Variants in KCNAB1 observed in about 807,000 individuals in gnomAD.
KCNAB1 encodes voltage-gated potassium channel subunit beta-1.
Under a neutral mutation model 64.6 loss-of-function variants are expected in KCNAB1, and 35 were observed. That is an observed-to-expected ratio of 0.54 (90% CI 0.41 to 0.72). The LOEUF (loss-of-function observed/expected upper bound fraction) is 0.72. Among genes scored for constraint, KCNAB1 ranks in the 30% least tolerant of loss-of-function variants. The pLI, the probability that KCNAB1 is intolerant of heterozygous loss-of-function variation, is 0.00. For missense variants in KCNAB1, 401 were observed against 512.9 expected, an observed-to-expected ratio of 0.78 and a Z score of 2.11; for synonymous variants, 177 against 183.8, an observed-to-expected ratio of 0.96 and a Z score of 0.30.
intron 2 of KCNAB1, among the ~76,000 whole-genome samples, chr3:156,447,593 C>G (rs1019368349): frequency 1.3e-5 from 2 of 152,092 alleles, no homozygotes; most frequent in East Asian, 3.9e-4. Context: ...AATTTTATAA[C>G]CTTAAGATGA....
intron 1 of KCNAB1, among the ~76,000 whole-genome samples, chr3:156,326,472 G>T (rs539408434): frequency 4.6e-5 from 7 of 152,090 alleles, no homozygotes; most frequent in Non-Finnish European, 1.0e-4. Flanking sequence ...GAGTAGTAAT[G>T]GCAAGGAATG....
At chr3:156,125,096 C>G (rs768075778) in intron 1 of KCNAB1, among the ~76,000 whole-genome samples, 2 of 151,822 alleles carry the variant, frequency 1.3e-5, no homozygotes, top group African/African-American at 2.4e-5. Flanking sequence ...CGAGATTACT[C>G]CACTGCACTC....
intron 1 of KCNAB1, among the ~76,000 whole-genome samples, chr3:156,137,860 T>C (rs1044109994): frequency 3.9e-5 from 6 of 151,922 alleles, no homozygotes; most frequent in Non-Finnish European, 7.4e-5. Flanking sequence ...CCGGCCTGGA[T>C]TGCAAACTTG....
intron 1 of KCNAB1, among the ~76,000 whole-genome samples, chr3:156,369,293 G>A (rs1446051089): frequency 1.3e-5 from 2 of 152,006 alleles, no homozygotes; most frequent in African/African-American, 4.8e-5. Flanking sequence ...TTTTCATTCC[G>A]GTATGATATT....
At chr3:156,458,925 G>A (rs12053933) in intron 4 of KCNAB1, among the ~76,000 whole-genome samples, 1 of 152,192 alleles carries the variant, frequency 6.6e-6, no homozygotes, top group African/African-American at 2.4e-5. Context: ...CAACACCAAT[G>A]TAAGACTCAA....
chr3:156,317,649 C>CA (rs1393715540), intron 1 of KCNAB1, among the ~76,000 whole-genome samples: 3 of 151,936 alleles, frequency 2.0e-5, no homozygotes, highest in Non-Finnish European at 4.4e-5. Flanking sequence ...AGAGAAGAAA[C>CA]AAAGAGCAAA....
At chr3:156,371,646 AG>A in intron 1 of KCNAB1, among the ~76,000 whole-genome samples, 1 of 152,344 alleles carries the variant, frequency 6.6e-6, no homozygotes, top group South Asian at 2.1e-4. Flanking sequence ...CATGTGAAAA[AG>A]AAACCAGAGG....
intron 11 of KCNAB1, among the ~76,000 whole-genome samples, chr3:156,522,750 T>C (rs942260036): frequency 2.0e-5 from 3 of 152,232 alleles, no homozygotes; most frequent in East Asian, 3.8e-4. Flanking sequence ...ATTGAAATCA[T>C]GTGGGTGCAG....
At chr3:156,205,253 G>A (rs770602643) in intron 1 of KCNAB1, among the ~76,000 whole-genome samples, 3 of 152,056 alleles carry the variant, frequency 2.0e-5, no homozygotes, top group Admixed American at 2.0e-4. Context: ...CAGTTATTCA[G>A]ATAATGAAAA....
chr3:156,497,270 CT>C (rs1251858034), intron 8 of KCNAB1, among the ~76,000 whole-genome samples: 2 of 152,180 alleles, frequency 1.3e-5, no homozygotes, highest in Non-Finnish European at 2.9e-5. Context: ...AAAGCATCTC[CT>C]TCCAGACATG....
intron 1 of KCNAB1, among the ~76,000 whole-genome samples, chr3:156,351,859 C>T (rs1724882866): frequency 6.6e-6 from 1 of 152,234 alleles, no homozygotes; most frequent in Non-Finnish European, 1.5e-5. Flanking sequence ...GAGAGTCACA[C>T]AGAGCCAAGG....
chr3:156,128,998 C>G (rs917163034), intron 1 of KCNAB1, among the ~76,000 whole-genome samples: 2 of 151,792 alleles, frequency 1.3e-5, no homozygotes. Context: ...TCATCTCCTT[C>G]ATAATTATCA....
At chr3:156,392,121 C>A (rs1024701899) in intron 1 of KCNAB1, among the ~76,000 whole-genome samples, 1 of 152,180 alleles carries the variant, frequency 6.6e-6, no homozygotes, top group Admixed American at 6.5e-5. Context: ...CATTCTCCTA[C>A]CCCTACTCCT....
intron 2 of KCNAB1, among the ~76,000 whole-genome samples, chr3:156,425,713 G>T (rs568776590): frequency 6.6e-6 from 1 of 152,284 alleles, no homozygotes; most frequent in African/African-American, 2.4e-5. Context: ...AAGATACGAG[G>T]ACAAGAGCAT....
In KCNAB1 at chr3:156,523,985, T is replaced by G. The variant is rs376268968; in HGVS notation, c.1081+38T>G. On this transcript the variant is annotated intron_variant, in intron 12 of 13. Coordinates refer to ENST00000490337, the MANE Select transcript of KCNAB1 (RefSeq NM_172160.3). ...CTAAGCTATGGGGTGGTAGAGGGAC[T>G]TCTGCTGAGATCATAGTTTTCTATT... 2.5e-6 allele frequency: 4 copies of G among 1,594,678 alleles called. No individual in the cohort carries two copies. The African/African-American group carries it at 4.0e-5, about 16-fold the overall frequency.
At chr3:156,389,839 C>T (rs1186873031) in intron 1 of KCNAB1, among the ~76,000 whole-genome samples, 1 of 152,204 alleles carries the variant, frequency 6.6e-6, no homozygotes, top group African/African-American at 2.4e-5. Context: ...CAAATACAGT[C>T]TACCACTTGT....
intron 1 of KCNAB1, among the ~76,000 whole-genome samples, chr3:156,177,574 T>A (rs1712479337): frequency 6.6e-6 from 1 of 152,026 alleles, no homozygotes. Flanking sequence ...AGACGGGGTT[T>A]CACCGTGTTA....
At chr3:156,333,026 C>T (rs931956060) in intron 1 of KCNAB1, among the ~76,000 whole-genome samples, 7 of 152,070 alleles carry the variant, frequency 4.6e-5, no homozygotes, top group African/African-American at 1.7e-4. Context: ...TGAAGCTGGC[C>T]TGAGATAAAA....
chr3:156,368,345 C>T (rs1431153445), intron 1 of KCNAB1, among the ~76,000 whole-genome samples: 4 of 152,082 alleles, frequency 2.6e-5, no homozygotes, highest in African/African-American at 4.8e-5. Flanking sequence ...GCATAAAGCT[C>T]ACCTGGTGAT....
Sources: gnomAD v4.1 joint callset for allele counts (sites outside exome capture counted in the v4.1 genomes callset) on GRCh38, gnomAD v4.1.1 for gene constraint, MANE v1.5 for transcripts, NCBI Gene and HGNC (gene_info 2026-07-23, HGNC 2026-07-21) for gene names.